Variants in PHB1 observed in about 807,000 individuals in gnomAD.
PHB1 encodes prohibitin 1.
At chr17:49,413,113 G>C in the PHB1 span, 1 of 1,171,620 alleles carries the variant, frequency 8.5e-7, no homozygotes, top group Non-Finnish European at 1.3e-6. Context: ...TGTCACATGG[G>C]CTATGCAGAC....
the PHB1 span, among the ~76,000 whole-genome samples, chr17:49,405,919 C>T: frequency 2.0e-5 from 3 of 152,144 alleles, no homozygotes; most frequent in African/African-American, 7.2e-5. Context: ...CTAGGCTTGC[C>T]CTACCAATAT....
the PHB1 span, chr17:49,413,120 A>G: frequency 7.8e-7 from 1 of 1,277,616 alleles, no homozygotes; most frequent in Non-Finnish European, 1.1e-6. Context: ...TGGGCTATGC[A>G]GACCAACAGA....
At chr17:49,411,109 G>C in the PHB1 span, among the ~76,000 whole-genome samples, 4 of 150,828 alleles carry the variant, frequency 2.7e-5, no homozygotes, top group Non-Finnish European at 4.4e-5. Flanking sequence ...CCTATCAATA[G>C]TTTTAGAAAT....
At chr17:49,404,914 G>T in the PHB1 span, 1 of 934,642 alleles carries the variant, frequency 1.1e-6, no homozygotes, top group Non-Finnish European at 1.7e-6. Context: ...TCTGGGGTGG[G>T]AGCAGAAGGA....
chr17:49,406,288 TACCAGAAAG>T, the PHB1 span, among the ~76,000 whole-genome samples: 2 of 152,128 alleles, frequency 1.3e-5, no homozygotes, highest in Non-Finnish European at 2.9e-5. Flanking sequence ...TCTTTGCAAA[TACCAGAAAG>T]ACCAGGCTGC....
At chr17:49,405,124 G>A in the PHB1 span, 2 of 1,613,940 alleles carry the variant, frequency 1.2e-6, no homozygotes, top group South Asian at 1.1e-5. Context: ...CCCCTGCAGT[G>A]GCCAGTGAGT....
At chr17:49,409,706 T>C in the PHB1 span, among the ~76,000 whole-genome samples, 80 of 151,824 alleles carry the variant, frequency 5.3e-4, no homozygotes, top group Non-Finnish European at 6.0e-4. Flanking sequence ...CACACCCAGC[T>C]GTTTTGTATT....
chr17:49,411,199 C>CTTT, the PHB1 span, among the ~76,000 whole-genome samples: 4 of 117,474 alleles, frequency 3.4e-5, no homozygotes, highest in Admixed American at 1.7e-4. Context: ...TAGAAGCAGG[C>CTTT]TTTTTTTTTT....
the PHB1 span, among the ~76,000 whole-genome samples, chr17:49,414,075 C>T: frequency 6.6e-6 from 1 of 152,088 alleles, no homozygotes; most frequent in African/African-American, 2.4e-5. Context: ...TATCAGGTAG[C>T]CTAATAAAAG....
chr17:49,411,867 T>C, the PHB1 span: 9 of 1,605,450 alleles, frequency 5.6e-6, no homozygotes, highest in Admixed American at 1.7e-5. Flanking sequence ...TGACATGTCA[T>C]AAAAATCCTC....
chr17:49,410,953 C>G, the PHB1 span, among the ~76,000 whole-genome samples: 1 of 152,188 alleles, frequency 6.6e-6, no homozygotes, highest in Non-Finnish European at 1.5e-5. Flanking sequence ...CTGGACAATT[C>G]AGGCCTGCCT....
At chr17:49,408,794 A>AGCG in the PHB1 span, 1 of 439,628 alleles carries the variant, frequency 2.3e-6, no homozygotes, top group Non-Finnish European at 4.1e-6. Flanking sequence ...TAAAACATTT[A>AGCG]GTGGTTAGAG....
chr17:49,413,495 T>C, the PHB1 span, among the ~76,000 whole-genome samples: 9 of 143,642 alleles, frequency 6.3e-5, no homozygotes, highest in Non-Finnish European at 1.1e-4. Context: ...TTTTTTTTTT[T>C]CAGTTTCTTT....
chr17:49,406,425 G>C, the PHB1 span, among the ~76,000 whole-genome samples: 1 of 152,222 alleles, frequency 6.6e-6, no homozygotes, highest in Non-Finnish European at 1.5e-5. Context: ...TTTGCTGTCA[G>C]CTTTCACTAT....
the PHB1 span, chr17:49,412,370 TG>T: frequency 1.3e-5 from 2 of 155,508 alleles, no homozygotes; most frequent in South Asian, 2.0e-4. Context: ...TGGCAATTTC[TG>T]TCTAGTTGCA....
the PHB1 span, chr17:49,412,173 A>T: frequency 4.5e-6 from 1 of 222,786 alleles, no homozygotes. Context: ...AACTTCTAAA[A>T]CTCAGTGAGG....
chr17:49,413,472 A>G, the PHB1 span, among the ~76,000 whole-genome samples: 1 of 144,870 alleles, frequency 6.9e-6, no homozygotes, highest in East Asian at 2.0e-4. Flanking sequence ...GTGTACTATC[A>G]ATTCTTCTGC....
At chr17:49,413,012 C>G in the PHB1 span, 2 of 588,998 alleles carry the variant, frequency 3.4e-6, no homozygotes, top group Admixed American at 2.9e-5. Context: ...GTCAGGGGCT[C>G]TGATAACAAT....
chr17:49,410,506 T>C, the PHB1 span, among the ~76,000 whole-genome samples: 2 of 152,214 alleles, frequency 1.3e-5, no homozygotes, highest in African/African-American at 4.8e-5. Context: ...AGATTATATG[T>C]CTAACAGGTG....
Sources: gnomAD v4.1 joint callset for allele counts (sites outside exome capture counted in the v4.1 genomes callset) on GRCh38, gnomAD v4.1.1 for gene constraint, MANE v1.5 for transcripts, NCBI Gene and HGNC (gene_info 2026-07-23, HGNC 2026-07-21) for gene names.